Variants in CSMD1 observed in about 807,000 individuals in gnomAD.
The protein encoded by CSMD1 is CUB and Sushi multiple domains 1, also known as CUB and sushi domain-containing protein 1.
Under a neutral mutation model 417.5 loss-of-function variants are expected in CSMD1, and 213 were observed. That is an observed-to-expected ratio of 0.51 (90% confidence interval 0.46 to 0.57). The LOEUF (loss-of-function observed/expected upper bound fraction) is 0.57, where lower values mean the gene tolerates loss of function less well. Ranked by LOEUF, CSMD1 falls within the 20% of genes least tolerant of loss-of-function variation. The pLI is 0.00. For synonymous variants in CSMD1, 2,862 were observed against 1,736.8 expected, an observed-to-expected ratio of 1.65 and a Z score of -16.11; for missense variants, 6,923 against 4,529.7, an observed-to-expected ratio of 1.53 and a Z score of -15.17.
rs1244164338 is a variant in CSMD1 at position 3,760,509 on chromosome 8, C to A, written c.819-6467G>T. Among the ~76,000 whole-genome samples, 4 of 152,168 alleles carry A rather than the reference C, an allele frequency of 2.6e-5. No individual in the cohort carries two copies. In the East Asian group the frequency reaches 5.8e-4, roughly 22 times the overall value. On this transcript the variant is annotated intron_variant, in intron 5 of 69. Transcript: ENST00000635120. ...TATTTATAACATACTCCTACTCATT[C>A]TTTCATGTAACCTCCCTCAGCCTCA...
chr8:4,641,638 C>G (rs1017406364), intron 1 of CSMD1, among the ~76,000 whole-genome samples: 1 of 152,138 alleles, frequency 6.6e-6, no homozygotes, highest in Non-Finnish European at 1.5e-5. Context: ...TAGAGCCGTC[C>G]CACCAAACCC....
chr8:3,162,335 T>G lies in CSMD1; in HGVS notation c.5726-58A>C, dbSNP rs1819951342. 4.5e-6 allele frequency: 5 copies of G among 1,121,754 alleles called. No individual in the cohort carries two copies. In the Middle Eastern group the frequency reaches 5.8e-4, roughly 131 times the overall value. 69.5% of individuals were successfully genotyped at this position (1,121,754 alleles called of 1,614,324 possible). ...ATGATGTAAACAATATTCTTATCAT[T>G]TGAATAACCAAAGTTTATTTCTATT... On this transcript the variant is annotated intron_variant, in intron 37 of 69. Transcript: ENST00000635120.
chr8:3,278,716 A>C (rs1039846716), intron 26 of CSMD1: 1 of 151,898 alleles, frequency 6.6e-6, no homozygotes, highest in African/African-American at 2.4e-5. Flanking sequence ...CTTCCCACCC[A>C]TCCTCCCACC....
chr8:4,333,955 C>A (rs1585253116), intron 3 of CSMD1, among the ~76,000 whole-genome samples: 1 of 152,002 alleles, frequency 6.6e-6, no homozygotes, highest in Non-Finnish European at 1.5e-5. Flanking sequence ...GCAGTGACAC[C>A]ATCACGGCTC....
intron 5 of CSMD1, among the ~76,000 whole-genome samples, chr8:3,922,936 A>T (rs1474721099): frequency 6.6e-6 from 1 of 152,192 alleles, no homozygotes; most frequent in Non-Finnish European, 1.5e-5. Flanking sequence ...CAAATACCGA[A>T]ACAGATTGTG....
chr8:3,773,640 T>C (rs544092379), intron 5 of CSMD1, among the ~76,000 whole-genome samples: 1 of 152,258 alleles, frequency 6.6e-6, no homozygotes, highest in Admixed American at 6.5e-5. Flanking sequence ...TATTTGGCAG[T>C]TTTATTCAAT....
At chr8:3,508,381 T>C (rs1563105535) in intron 10 of CSMD1, among the ~76,000 whole-genome samples, 1 of 151,180 alleles carries the variant, frequency 6.6e-6, no homozygotes, top group Non-Finnish European at 1.5e-5. Context: ...GGGGGAGGGA[T>C]AGCATTAGGA....
intron 4 of CSMD1, among the ~76,000 whole-genome samples, chr8:4,007,427 C>T (rs1004386302): frequency 6.6e-6 from 1 of 152,188 alleles, no homozygotes; most frequent in Non-Finnish European, 1.5e-5. Context: ...TTGCAATGAC[C>T]ACCTGCCTGA....
At chr8:3,438,382 G>A (rs1055627065) in intron 12 of CSMD1, among the ~76,000 whole-genome samples, 3 of 152,134 alleles carry the variant, frequency 2.0e-5, no homozygotes, top group African/African-American at 7.2e-5. Context: ...CAGCAACACA[G>A]ACATCCCTCC....
intron 3 of CSMD1, among the ~76,000 whole-genome samples, chr8:4,053,842 G>C (rs534455528): frequency 4.1e-4 from 63 of 152,216 alleles, no homozygotes; most frequent in African/African-American, 1.5e-3. Flanking sequence ...GCTTTTACTA[G>C]TAGGTTGGTT....
intron 6 of CSMD1, among the ~76,000 whole-genome samples, chr8:3,736,217 A>T (rs1245473640): frequency 2.0e-5 from 3 of 151,934 alleles, no homozygotes; most frequent in African/African-American, 7.3e-5. Context: ...CTCACTCAAC[A>T]TTTGTGTGTG....
chr8:4,409,029 T>C (rs550886758), intron 3 of CSMD1, among the ~76,000 whole-genome samples: 31 of 152,356 alleles, frequency 2.0e-4, no homozygotes, highest in African/African-American at 7.5e-4. Context: ...AATATCTGTA[T>C]CACTTTGTCA....
At chr8:3,281,622 G>A (rs543156762) in intron 26 of CSMD1, among the ~76,000 whole-genome samples, 34 of 151,864 alleles carry the variant, frequency 2.2e-4, no homozygotes, top group Non-Finnish European at 4.3e-4. Context: ...TGACTTTCAG[G>A]AAAAGACAAA....
At chr8:3,601,913 G>A (rs576548207) in intron 8 of CSMD1, among the ~76,000 whole-genome samples, 1 of 151,852 alleles carries the variant, frequency 6.6e-6, no homozygotes, top group Non-Finnish European at 1.5e-5. Flanking sequence ...AGAGAGAGAG[G>A]GTTATAGCAC....
At chr8:4,653,272 G>T (rs1482190160) in intron 1 of CSMD1, among the ~76,000 whole-genome samples, 1 of 152,104 alleles carries the variant, frequency 6.6e-6, no homozygotes, top group Non-Finnish European at 1.5e-5. Context: ...TGGATCCACA[G>T]ACTCCCAAGT....
chr8:4,257,450 T>C (rs937118376), intron 3 of CSMD1, among the ~76,000 whole-genome samples: 1 of 152,202 alleles, frequency 6.6e-6, no homozygotes, highest in African/African-American at 2.4e-5. Flanking sequence ...TTATTAAGAA[T>C]TCCTTCCTTA....
intron 10 of CSMD1, among the ~76,000 whole-genome samples, chr8:3,530,020 T>C (rs922597425): frequency 6.6e-6 from 1 of 152,198 alleles, no homozygotes; most frequent in African/African-American, 2.4e-5. Context: ...TTATCAGTGA[T>C]AGAAGAATGA....
chr8:4,963,098 G>C (rs559180491), intron 1 of CSMD1, among the ~76,000 whole-genome samples: 2 of 152,308 alleles, frequency 1.3e-5, no homozygotes, highest in African/African-American at 2.4e-5. Context: ...GCCTCCGCAA[G>C]AATATAGGCT....
intron 3 of CSMD1, among the ~76,000 whole-genome samples, chr8:4,295,195 CAT>C (rs1797597178): frequency 2.7e-5 from 2 of 73,684 alleles, no homozygotes; most frequent in African/African-American, 9.5e-5. Flanking sequence ...AGATTATGCA[CAT>C]ATAATCTTAA....
Sources: allele counts gnomAD v4.1 joint callset (sites outside exome capture counted in the v4.1 genomes callset), GRCh38; gene constraint gnomAD v4.1.1; transcripts MANE v1.5; gene names NCBI Gene and HGNC (gene_info 2026-07-23, HGNC 2026-07-21).